SLIT1: variants seen among roughly 807,000 people sequenced by gnomAD.
SLIT1 encodes the protein slit guidance ligand 1, also known as slit homolog 1 protein.
A neutral mutation model predicts 186.1 loss-of-function variants in SLIT1; 66 were observed. The ratio of observed to expected loss-of-function variants is 0.35; its 90% CI spans 0.29 to 0.44. The LOEUF is 0.44. SLIT1 is among the 20% of genes least tolerant of loss of function. SLIT1 has a pLI of 1.00. For missense variants in SLIT1, 1,638 were observed against 2,037.4 expected (o/e 0.80, Z 3.77); for synonymous variants, 761 against 833.8 (o/e 0.91, Z 1.50).
intron 10 of SLIT1, 131 bp from the exon 11 acceptor site, chr10:97,059,662 C>A: frequency 1.4e-6 from 1 of 716,356 alleles, no homozygotes. Context: ...AGTGAGAGGC[C>A]AGATCTCTCC....
At chr10:97,183,067 G>C (rs1305832864) in intron 1 of SLIT1, among the ~76,000 whole-genome samples, 1 of 152,042 alleles carries the variant, frequency 6.6e-6, no homozygotes, top group Non-Finnish European at 1.5e-5. Flanking sequence ...CCTCTGCCTA[G>C]ATTGCCTGCC....
chr10:97,095,112 G>A (rs546460779), intron 4 of SLIT1, among the ~76,000 whole-genome samples: 2 of 152,178 alleles, frequency 1.3e-5, no homozygotes, highest in East Asian at 1.9e-4. Flanking sequence ...GTGAAACCCC[G>A]TCTCTACTGA....
intron 13 of SLIT1, among the ~76,000 whole-genome samples, chr10:97,050,410 C>T (rs774003303): frequency 2.6e-5 from 4 of 152,192 alleles, no homozygotes; most frequent in East Asian, 1.9e-4. Flanking sequence ...TGCCCTCTGG[C>T]CCCCCGGTTG....
At position 97,046,671 on chromosome 10, in the gene SLIT1, C is replaced by G. The variant is rs1362661225; in HGVS notation, c.1836G>C (p.Leu612=). ...ESIRSGMFRG[L]DGLRTLMLRN... ...ACACTCACAGGGTCCTCAAGCCATC[C>G]AGACCCCGGAACATGCCGCTCCGGA... The change falls in exon 18 of 37, where the codon CTG becomes CTC. Residue 612 remains leucine, a synonymous_variant. Transcript: ENST00000266058. 1 of 1,609,136 alleles carries G rather than the reference C, an allele frequency of 6.2e-7. No homozygotes were observed. The highest frequency in any genetic ancestry group is 8.5e-7 in the Non-Finnish European group (1 of 1,179,888).
intron 18 of SLIT1, 99 bp downstream of exon 18, chr10:97,046,555 G>T: frequency 8.0e-7 from 1 of 1,252,000 alleles, no homozygotes; most frequent in Non-Finnish European, 1.1e-6. Flanking sequence ...TGCAAGCTGG[G>T]CCCAGGGGAG....
chr10:97,025,751 C>T (rs1848539454), intron 25 of SLIT1, among the ~76,000 whole-genome samples: 1 of 152,198 alleles, frequency 6.6e-6, no homozygotes, highest in South Asian at 2.1e-4. Flanking sequence ...ATAGTTGAAA[C>T]AGTAGCTATT....
Position 97,043,177 on chromosome 10 carries a change from T to A in SLIT1, c.1998-110A>T. ...GGCCACATGGCCACATGGCACTGTC[T>A]CCCAGACCACCACCCATCACCAAGA... On this transcript the variant is annotated intron_variant, in intron 19 of 36. Transcript: ENST00000266058. This position sits in a 1 kb window ranked among gnomAD's most constrained non-coding sequence, Gnocchi z 7.0. The A allele has an allele frequency of 7.3e-7, 1 of 1,364,406 alleles. No individual in the cohort carries two copies. Among genetic ancestry groups the A allele is most frequent in the Middle Eastern group, 2.5e-4 (1 of 4,058 alleles). 84.5% of individuals were successfully genotyped at this position (1,364,406 alleles called of 1,614,324 possible).
At chr10:97,012,722 G>A (rs917243783) in intron 30 of SLIT1, among the ~76,000 whole-genome samples, 3 of 152,188 alleles carry the variant, frequency 2.0e-5, no homozygotes, top group African/African-American at 4.8e-5. Context: ...CCCATTTACC[G>A]TGGAACCAGG....
At chr10:97,119,613 G>T (rs1457211583) in intron 4 of SLIT1, among the ~76,000 whole-genome samples, 1 of 151,896 alleles carries the variant, frequency 6.6e-6, no homozygotes, top group Non-Finnish European at 1.5e-5. Context: ...GAGGACTCAG[G>T]AGACGGCGCC....
intron 16 of SLIT1, 58 bp from the exon 17 acceptor site, chr10:97,047,123 T>C (rs1057387893): frequency 1.1e-5 from 13 of 1,148,468 alleles, no homozygotes; most frequent in South Asian, 1.0e-4. Context: ...TCAAATCCCT[T>C]CCAAACTGAG....
chr10:97,121,859 G>A (rs775494743), intron 4 of SLIT1, among the ~76,000 whole-genome samples: 1 of 152,122 alleles, frequency 6.6e-6, no homozygotes, highest in Non-Finnish European at 1.5e-5. Context: ...ATGGCTTAAC[G>A]GCAAGAACAA....
intron 6 of SLIT1, 40 bp downstream of exon 6, chr10:97,064,765 G>C: frequency 6.7e-7 from 1 of 1,493,252 alleles, no homozygotes; most frequent in Non-Finnish European, 9.2e-7. Flanking sequence ...GCCTAGCAGG[G>C]CCCTCCACAC....
chr10:97,111,300 G>A (rs1239822680), intron 4 of SLIT1, among the ~76,000 whole-genome samples: 3 of 152,130 alleles, frequency 2.0e-5, no homozygotes, highest in African/African-American at 7.2e-5. Flanking sequence ...AAGAGTCCGA[G>A]TCATTAAAAA....
chr10:97,099,780 C>G (rs1849331988), intron 4 of SLIT1, among the ~76,000 whole-genome samples: 1 of 152,130 alleles, frequency 6.6e-6, no homozygotes, highest in Admixed American at 6.5e-5. Flanking sequence ...AGGCCAGAGA[C>G]CCCGGGCAGT....
rs372134311 is a variant in SLIT1, at chr10:97,033,955, C to T, written c.2438+516G>A. Among the ~76,000 whole-genome samples, 3 of 151,450 alleles carry T rather than the reference C, an allele frequency of 2.0e-5. No individual in the cohort carries two copies. In the East Asian group the frequency reaches 5.8e-4, roughly 29 times the overall value. On this transcript the variant is annotated intron_variant, in intron 23 of 36. Coordinates refer to ENST00000266058, the MANE Select transcript of SLIT1 (RefSeq NM_003061.3). ...TCTTGGCTCACTGCAAGCTCCACCT[C>T]CCAGGTTCACGCGATTCTCCTGCCT...
rs114883567 is a variant in SLIT1, at chr10:97,006,294, T to C, written c.3579+189A>G. 4.8e-3 allele frequency among the ~76,000 whole-genome samples: 733 copies of C among 152,348 alleles called. 5 individuals are homozygous for C. The highest frequency in any genetic ancestry group is 0.017 in the African/African-American group (703 of 41,572). On this transcript the variant is annotated intron_variant, in intron 32 of 36. Transcript: ENST00000266058. The surrounding 1 kb of genome is among the most constrained non-coding windows in gnomAD (Gnocchi z 4.0). ...CACCCCTGCCCTGGTTTTGTGACACTATAACCTTTCTAATTGTGCTTAAAC... is the reference window on the plus strand; with the variant it reads ...CACCCCTGCCCTGGTTTTGTGACACCATAACCTTTCTAATTGTGCTTAAAC...
intron 4 of SLIT1, among the ~76,000 whole-genome samples, chr10:97,067,527 A>C (rs1288924518): frequency 6.6e-6 from 1 of 152,180 alleles, no homozygotes; most frequent in African/African-American, 2.4e-5. Context: ...AAGCTAAGCA[A>C]CTTCTTCAAG....
chr10:97,080,280 G>A lies in SLIT1; in HGVS notation c.414-14194C>T, dbSNP rs1163612842. On this transcript the variant is annotated intron_variant, in intron 4 of 36. Coordinates refer to ENST00000266058, the MANE Select transcript of SLIT1 (RefSeq NM_003061.3). ...CTCCTACAAGTCTTTATAAAGGGAT[G>A]ATCACAGGACATCGTTTCCTGCAAG... Among the ~76,000 whole-genome samples the A allele has an allele frequency of 3.9e-5, 6 of 152,106 alleles. No homozygotes were observed. In the East Asian group the frequency reaches 5.8e-4, roughly 15 times the overall value.
chr10:97,048,921 G>A, intron 14 of SLIT1, 34 bp downstream of exon 14: 1 of 1,593,516 alleles, frequency 6.3e-7, no homozygotes, highest in Non-Finnish European at 8.5e-7. Flanking sequence ...GCAGGTAGGT[G>A]GACAGGTGGG....
Sources: allele counts gnomAD v4.1 joint callset (sites outside exome capture counted in the v4.1 genomes callset), GRCh38; gene constraint gnomAD v4.1.1; non-coding constraint Gnocchi (gnomAD v3.1); transcripts MANE v1.5; gene names NCBI Gene and HGNC (gene_info 2026-07-23, HGNC 2026-07-21).